NAALADL2: variants seen among roughly 807,000 people sequenced by gnomAD.
The protein encoded by NAALADL2 is N-acetylated alpha-linked acidic dipeptidase like 2.
A neutral mutation model predicts 87.2 loss-of-function variants in NAALADL2; 76 were observed. The ratio of observed to expected loss-of-function variants is 0.87; its 90% CI spans 0.72 to 1.05. NAALADL2 has a LOEUF of 1.05. Ranked by LOEUF, NAALADL2 falls within the 50% of genes least tolerant of loss-of-function variation. The pLI is 0.00. For synonymous variants in NAALADL2, 354 were observed against 331.0 expected, an observed-to-expected ratio of 1.07 and a Z score of -0.75; for missense variants, 1,089 against 945.8, an observed-to-expected ratio of 1.15 and a Z score of -1.99.
At chr3:174,619,922 G>A (rs1720834353) in intron 2 of NAALADL2, among the ~76,000 whole-genome samples, 1 of 151,826 alleles carries the variant, frequency 6.6e-6, no homozygotes, top group Non-Finnish European at 1.5e-5. Flanking sequence ...TGAATTACAT[G>A]CATTTTTCAT....
intron 1 of NAALADL2, among the ~76,000 whole-genome samples, chr3:174,453,606 A>G (rs1715630674): frequency 6.6e-6 from 1 of 152,262 alleles, no homozygotes; most frequent in Non-Finnish European, 1.5e-5. Flanking sequence ...ATTGGGGGCC[A>G]ATATTCAACA....
chr3:174,625,196 C>G (rs1721449165), intron 2 of NAALADL2, among the ~76,000 whole-genome samples: 1 of 151,414 alleles, frequency 6.6e-6, no homozygotes, highest in Non-Finnish European at 1.5e-5. Flanking sequence ...GTAACTGGGA[C>G]TATGGGCACA....
intron 4 of NAALADL2, among the ~76,000 whole-genome samples, chr3:175,283,581 C>T (rs960470822): frequency 2.6e-5 from 4 of 152,040 alleles, no homozygotes; most frequent in Non-Finnish European, 4.4e-5. Context: ...TACACATTAA[C>T]ATCATTATTT....
At chr3:174,552,755 C>T (rs925354804) in intron 2 of NAALADL2, among the ~76,000 whole-genome samples, 18 of 138,004 alleles carry the variant, frequency 1.3e-4, no homozygotes, top group African/African-American at 4.7e-4. Flanking sequence ...GAGATCGTGC[C>T]ACTGAGCTCC....
intron 2 of NAALADL2, among the ~76,000 whole-genome samples, chr3:175,169,633 G>A (rs954386540): frequency 1.3e-5 from 2 of 151,486 alleles, no homozygotes; most frequent in African/African-American, 2.4e-5. Flanking sequence ...GTTTTTATCC[G>A]TTTTTATTTT....
intron 3 of NAALADL2, among the ~76,000 whole-genome samples, chr3:174,825,779 G>C (rs1182064065): frequency 6.6e-6 from 1 of 152,130 alleles, no homozygotes; most frequent in Non-Finnish European, 1.5e-5. Flanking sequence ...TGTAATCCCA[G>C]CACTTTGGGA....
chr3:175,414,512 T>C (rs1298829639), intron 5 of NAALADL2, among the ~76,000 whole-genome samples: 1 of 100,864 alleles, frequency 9.9e-6, no homozygotes, highest in Admixed American at 1.1e-4. Context: ...AACTTATTCA[T>C]CTCTTTCAAT....
chr3:175,799,775 C>G lies in NAALADL2; in HGVS notation c.2190-3230C>G, dbSNP rs532662756. 3.3e-5 allele frequency among the ~76,000 whole-genome samples: 5 copies of G among 152,180 alleles called. No homozygotes were observed. In the East Asian group the frequency reaches 9.7e-4, roughly 29 times the overall value. On this transcript the variant is annotated intron_variant, in intron 13 of 13. Transcript: ENST00000454872. ...TATCATCAAAACATTTTCAAAAGTT[C>G]TCTGTATAAAAATACATGTATACAT...
intron 2 of NAALADL2, among the ~76,000 whole-genome samples, chr3:174,562,491 G>A (rs1349744115): frequency 6.6e-6 from 1 of 152,042 alleles, no homozygotes; most frequent in Non-Finnish European, 1.5e-5. Flanking sequence ...TGACAAAGTG[G>A]TAGAGTAAGA....
At chr3:175,248,497 C>T (rs1037061709) in intron 3 of NAALADL2, among the ~76,000 whole-genome samples, 1 of 152,120 alleles carries the variant, frequency 6.6e-6, no homozygotes, top group African/African-American at 2.4e-5. Context: ...AATTTCAACA[C>T]ATCTTGTCTC....
intron 11 of NAALADL2, among the ~76,000 whole-genome samples, chr3:175,689,897 C>G (rs1329931042): frequency 6.6e-6 from 1 of 151,966 alleles, no homozygotes; most frequent in Non-Finnish European, 1.5e-5. Flanking sequence ...CTTTAATGCC[C>G]TTTTCTCTTT....
chr3:175,583,549 A>C (rs1720106075), intron 10 of NAALADL2, among the ~76,000 whole-genome samples: 1 of 151,990 alleles, frequency 6.6e-6, no homozygotes, highest in South Asian at 2.1e-4. Context: ...GACTGGAGGA[A>C]ATTGATAGTA....
chr3:175,431,955 C>G (rs1210281332), intron 5 of NAALADL2, among the ~76,000 whole-genome samples: 1 of 151,850 alleles, frequency 6.6e-6, no homozygotes, highest in Non-Finnish European at 1.5e-5. Flanking sequence ...TTCTCCTTTC[C>G]CAGACTTTTC....
At chr3:174,622,025 A>G (rs957560526) in intron 2 of NAALADL2, among the ~76,000 whole-genome samples, 1 of 152,172 alleles carries the variant, frequency 6.6e-6, no homozygotes, top group Non-Finnish European at 1.5e-5. Flanking sequence ...TACAGGAAGC[A>G]GGAGGAAAGG....
chr3:174,654,885 A>G (rs571534387), intron 2 of NAALADL2, among the ~76,000 whole-genome samples: 55 of 152,074 alleles, frequency 3.6e-4, no homozygotes, highest in African/African-American at 1.3e-3. Flanking sequence ...ACAGGCGCCC[A>G]CCACCATGCC....
chr3:175,691,817 A>C (rs1737084095), intron 11 of NAALADL2, among the ~76,000 whole-genome samples: 1 of 152,146 alleles, frequency 6.6e-6, no homozygotes, highest in Non-Finnish European at 1.5e-5. Context: ...TAAGAGCAAT[A>C]TTAAACTTGT....
At chr3:175,290,857 A>T (rs1425149438) in intron 4 of NAALADL2, among the ~76,000 whole-genome samples, 1 of 152,130 alleles carries the variant, frequency 6.6e-6, no homozygotes, top group African/African-American at 2.4e-5. Context: ...TGGTGAATGG[A>T]AATGTGTATC....
intron 11 of NAALADL2, among the ~76,000 whole-genome samples, chr3:175,642,192 C>A (rs1333709254): frequency 4.6e-5 from 7 of 152,182 alleles, no homozygotes; most frequent in African/African-American, 9.7e-5. Context: ...CCTCTAAATG[C>A]ATCCTTAAAC....
chr3:174,682,256 G>T (rs1321814214), intron 2 of NAALADL2, among the ~76,000 whole-genome samples: 8 of 152,184 alleles, frequency 5.3e-5, no homozygotes, highest in African/African-American at 1.4e-4. Context: ...ACATGAGGGA[G>T]TTTCCTGAGG....
Sources: gnomAD v4.1 joint callset for allele counts (sites outside exome capture counted in the v4.1 genomes callset) on GRCh38, gnomAD v4.1.1 for gene constraint, MANE v1.5 for transcripts, NCBI Gene and HGNC (gene_info 2026-07-23, HGNC 2026-07-21) for gene names.